Variants in SH3KBP1 observed in about 807,000 individuals in gnomAD.
The protein encoded by SH3KBP1 is SH3 domain containing kinase binding protein 1.
In SH3KBP1, 8 loss-of-function variants were observed where a neutral mutation model predicts 50.1. The observed-to-expected ratio is 0.16, with a 90% confidence interval of 0.09 to 0.29. The LOEUF (loss-of-function observed/expected upper bound fraction) is 0.29. Among genes scored for constraint, SH3KBP1 ranks in the 10% least tolerant of loss-of-function variants. The probability of loss-of-function intolerance (pLI) is 1.00; values close to 1 mark genes in which losing one functional copy is unlikely to be tolerated. For missense variants in SH3KBP1, 377 were observed against 535.2 expected (o/e 0.70, Z 2.92); for synonymous variants, 227 against 218.6 (o/e 1.04, Z -0.34).
At chrX:19,828,616 T>C (rs1418231586) in intron 2 of SH3KBP1, among the ~76,000 whole-genome samples, 6 of 109,435 alleles carry the variant, frequency 5.5e-5, no homozygotes, top group Non-Finnish European at 9.5e-5. Context: ...ACCCCGTCTA[T>C]ACAAAAAATA....
At chrX:19,670,900 T>A (rs907096148) in intron 6 of SH3KBP1, 7 of 1,159,915 alleles carry the variant, frequency 6.0e-6, no homozygotes, top group African/African-American at 2.0e-5. Context: ...TCTCTTCAGT[T>A]TGAAAAGGTC....
At chrX:19,710,240 G>C (rs2063742804) in intron 3 of SH3KBP1, among the ~76,000 whole-genome samples, 2 of 112,275 alleles carry the variant, frequency 1.8e-5, no homozygotes, top group African/African-American at 6.5e-5. Flanking sequence ...ATCCTGTCCG[G>C]GATGTGAATC....
At chrX:19,740,440 AG>A (rs983533607) in intron 3 of SH3KBP1, among the ~76,000 whole-genome samples, 29 of 112,311 alleles carry the variant, frequency 2.6e-4, no homozygotes, top group African/African-American at 9.4e-4. Context: ...CCCCTGGGAA[AG>A]ACCAGCTCAG....
intron 6 of SH3KBP1, among the ~76,000 whole-genome samples, chrX:19,680,776 G>A (rs867105924): frequency 3.6e-5 from 4 of 111,865 alleles, no homozygotes; most frequent in Admixed American, 9.5e-5. Context: ...ACTATCCATG[G>A]CGCCAACAAC....
At position 19,887,288 on chromosome X, in the gene SH3KBP1, G is replaced by T; in HGVS notation, c.4+19C>A. On this transcript the variant is annotated intron_variant, in intron 1 of 17. Transcript: ENST00000397821. ...TCAAGGCTGAAGTGGACGCCCGGACGCGGGCGGCCCCCACTCACCCATTGG... is the reference window on the plus strand; with the variant it reads ...TCAAGGCTGAAGTGGACGCCCGGACTCGGGCGGCCCCCACTCACCCATTGG... 1 of 975,709 alleles carries T rather than the reference G, an allele frequency of 1.0e-6. No homozygotes were observed. Among genetic ancestry groups the T allele is most frequent in the Middle Eastern group, 4.0e-4 (1 of 2,503 alleles). The allele number at this position is 975,709 out of a possible 1,213,427, so 80.4% of individuals were successfully genotyped here.
chrX:19,618,993 C>T (rs936168949), intron 8 of SH3KBP1, among the ~76,000 whole-genome samples: 7 of 93,517 alleles, frequency 7.5e-5, no homozygotes, highest in African/African-American at 2.9e-4. Flanking sequence ...AAAAAAAAAT[C>T]GGGCAGGAGC....
chrX:19,689,576 C>T (rs1459172546), intron 5 of SH3KBP1, among the ~76,000 whole-genome samples: 1 of 111,611 alleles, frequency 9.0e-6, no homozygotes, highest in African/African-American at 3.3e-5. Flanking sequence ...GAGATGTAGT[C>T]TGGGCTGGGG....
intron 1 of SH3KBP1, among the ~76,000 whole-genome samples, chrX:19,838,389 T>C (rs746815004): frequency 9.0e-6 from 1 of 111,592 alleles, no homozygotes; most frequent in African/African-American, 3.3e-5. Context: ...CAGTTGTATG[T>C]CAAAGCTAAT....
intron 1 of SH3KBP1, among the ~76,000 whole-genome samples, chrX:19,871,066 T>G (rs1052534059): frequency 8.0e-5 from 9 of 112,401 alleles, no homozygotes; most frequent in Non-Finnish European, 1.5e-4. Context: ...AGAGACTGAC[T>G]AGACATTTTT....
At chrX:19,877,157 A>C (rs1303688007) in intron 1 of SH3KBP1, among the ~76,000 whole-genome samples, 1 of 112,191 alleles carries the variant, frequency 8.9e-6, no homozygotes, top group East Asian at 2.8e-4. Flanking sequence ...TGTTGAGAAC[A>C]AAGGGGTAAT....
At chrX:19,551,497 A>G (rs1046650127) in intron 13 of SH3KBP1, among the ~76,000 whole-genome samples, 6 of 108,799 alleles carry the variant, frequency 5.5e-5, no homozygotes, top group Non-Finnish European at 7.6e-5. Context: ...CCTTCCCTTT[A>G]AGAGAACCTT....
At chrX:19,788,428 G>A (rs1303962041) in intron 2 of SH3KBP1, among the ~76,000 whole-genome samples, 1 of 110,544 alleles carries the variant, frequency 9.0e-6, no homozygotes. Context: ...AGCAAGGGGA[G>A]GAGCAGACTC....
chrX:19,579,916 T>C (rs1210987741), intron 12 of SH3KBP1, among the ~76,000 whole-genome samples: 1 of 111,244 alleles, frequency 9.0e-6, no homozygotes, highest in African/African-American at 3.3e-5. Flanking sequence ...CAGGAACCCC[T>C]CCCCCATGGA....
At chrX:19,735,885 G>A (rs1456497502) in intron 3 of SH3KBP1, among the ~76,000 whole-genome samples, 2 of 109,715 alleles carry the variant, frequency 1.8e-5, no homozygotes, top group Non-Finnish European at 3.8e-5. Context: ...CACCATGACC[G>A]GCTAATTTTT....
chrX:19,543,147 C>G (rs1426686218), intron 15 of SH3KBP1, among the ~76,000 whole-genome samples: 1 of 111,122 alleles, frequency 9.0e-6, no homozygotes, highest in Non-Finnish European at 1.9e-5. Context: ...AGGAGTGGGC[C>G]AGGAGGATGG....
chrX:19,580,743 C>T (rs763911237), intron 12 of SH3KBP1, among the ~76,000 whole-genome samples: 45 of 111,265 alleles, frequency 4.0e-4, no homozygotes, highest in African/African-American at 1.4e-3. Flanking sequence ...CTTCCTCCTT[C>T]TAGCTTCCAT....
At chrX:19,875,901 T>G (rs1282872376) in intron 1 of SH3KBP1, among the ~76,000 whole-genome samples, 4 of 112,392 alleles carry the variant, frequency 3.6e-5, no homozygotes, top group Non-Finnish European at 7.5e-5. Flanking sequence ...GGGGTCCGGC[T>G]CCTCCAGCAG....
intron 17 of SH3KBP1, among the ~76,000 whole-genome samples, 160 bp downstream of exon 17, chrX:19,537,557 G>C (rs779483489): frequency 2.3e-4 from 26 of 111,019 alleles, no homozygotes; most frequent in African/African-American, 7.9e-4. Flanking sequence ...CTGGGGAAAC[G>C]ATATGTAGTA....
At chrX:19,665,709 T>C (rs184008229) in intron 6 of SH3KBP1, among the ~76,000 whole-genome samples, 13 of 112,013 alleles carry the variant, frequency 1.2e-4, no homozygotes, top group African/African-American at 3.6e-4. Context: ...CAAAACAGGC[T>C]GCTGACTGAC....
Sources: allele counts gnomAD v4.1 joint callset (sites outside exome capture counted in the v4.1 genomes callset), GRCh38; gene constraint gnomAD v4.1.1; transcripts MANE v1.5; gene names NCBI Gene and HGNC (gene_info 2026-07-23, HGNC 2026-07-21).